Variants in CDS2 observed in about 807,000 individuals in gnomAD.
CDS2 encodes the protein CDP-diacylglycerol synthase 2, also known as phosphatidate cytidylyltransferase 2.
Under a neutral mutation model 59.0 loss-of-function variants are expected in CDS2, and 47 were observed. That is an observed-to-expected ratio of 0.80 (90% CI 0.63 to 1.02). The LOEUF (loss-of-function observed/expected upper bound fraction) is 1.02. Ranked by LOEUF, CDS2 falls within the 50% of genes least tolerant of loss-of-function variation. The pLI is 0.00. For missense variants in CDS2, 356 were observed against 558.9 expected, an observed-to-expected ratio of 0.64 and a Z score of 3.66; for synonymous variants, 207 against 206.4, an observed-to-expected ratio of 1.00 and a Z score of -0.02.
chr20:5,183,189 C>G, intron 7 of CDS2, 46 bp downstream of exon 7: 3 of 1,516,608 alleles, frequency 2.0e-6, no homozygotes, highest in South Asian at 2.3e-5. Flanking sequence ...GTGAGTGTTT[C>G]TCGTGTACAG....
intron 8 of CDS2, among the ~76,000 whole-genome samples, chr20:5,185,229 TG>T (rs2091058952): frequency 6.6e-6 from 1 of 152,134 alleles, no homozygotes; most frequent in African/African-American, 2.4e-5. Flanking sequence ...AAAAGCAGCC[TG>T]GGGAACTTAG....
intron 7 of CDS2, 154 bp downstream of exon 7, chr20:5,183,297 T>C: frequency 1.6e-6 from 1 of 627,136 alleles, no homozygotes; most frequent in South Asian, 2.0e-5. Flanking sequence ...CCCCTGACTT[T>C]TTGATTCATT....
At chr20:5,174,426 G>A (rs773923806) in intron 2 of CDS2, among the ~76,000 whole-genome samples, 3 of 152,178 alleles carry the variant, frequency 2.0e-5, no homozygotes, top group South Asian at 2.1e-4. Flanking sequence ...GTTAATATAT[G>A]TAAAGTCCTC....
chr20:5,177,990 A>C (rs1475463315), intron 4 of CDS2, among the ~76,000 whole-genome samples: 3 of 152,222 alleles, frequency 2.0e-5, no homozygotes, highest in Non-Finnish European at 4.4e-5. Flanking sequence ...TTTGTACTTC[A>C]TAATTTAAAA....
At chr20:5,160,152 A>T (rs182529632) in intron 1 of CDS2, among the ~76,000 whole-genome samples, 2 of 152,232 alleles carry the variant, frequency 1.3e-5, no homozygotes, top group Non-Finnish European at 2.9e-5. Context: ...ATTAAAAGGC[A>T]GAGTAGTAAC....
At position 5,197,248 on chromosome 20, in the gene CDS2, TTG is replaced by T. The variant is rs1323169645; in HGVS notation, c.*7015_*7016del. 5 of 128,230 alleles carry T rather than the reference TTG, an allele frequency of 3.9e-5. No homozygotes were observed. Among genetic ancestry groups the T allele is most frequent in the East Asian group, 2.1e-4 (1 of 4,832 alleles). 7.9% of individuals were successfully genotyped at this position (128,230 alleles called of 1,614,324 possible). On this transcript the variant is annotated 3_prime_UTR_variant, in exon 13 of 13. Transcript: ENST00000460006. ...AACCTTGGTGGTTTTTTTTTTTTTT[TTG>T]GTTTTTTTTTTTTGATCGAGCTGTG...
intron 1 of CDS2, among the ~76,000 whole-genome samples, chr20:5,140,660 G>C (rs2090685991): frequency 6.6e-6 from 1 of 152,188 alleles, no homozygotes. Flanking sequence ...ATTAGGGAAA[G>C]TTTCTCTTCA....
In CDS2 at chr20:5,192,278, G is replaced by A. The variant is rs1250361835; in HGVS notation, c.*2044G>A. On this transcript the variant is annotated 3_prime_UTR_variant, in exon 13 of 13. Coordinates refer to ENST00000460006, the MANE Select transcript of CDS2 (RefSeq NM_003818.4). ...CCTGCTCTTGAATAGGGCTGCCTTT[G>A]GGATCAGGGAGCCGAGCATACTGGG... The A allele has an allele frequency of 1.3e-5, 2 of 152,138 alleles. No individual in the cohort carries two copies. Among genetic ancestry groups the A allele is most frequent in the Admixed American group, 1.3e-4 (2 of 15,246 alleles). The allele number at this position is 152,138 out of a possible 1,614,324, so 9.4% of individuals were successfully genotyped here.
chr20:5,157,782 A>G (rs145620537), intron 1 of CDS2, among the ~76,000 whole-genome samples: 2 of 152,158 alleles, frequency 1.3e-5, no homozygotes, highest in African/African-American at 4.8e-5. Flanking sequence ...ATCACCTTCC[A>G]GTAGCTCCAT....
At chr20:5,164,968 T>C (rs543210804) in intron 1 of CDS2, among the ~76,000 whole-genome samples, 7 of 152,346 alleles carry the variant, frequency 4.6e-5, no homozygotes, top group African/African-American at 1.7e-4. Flanking sequence ...AGTAAACAGA[T>C]GCATCTACTC....
chr20:5,128,322 G>A (rs548442154), intron 1 of CDS2: 2 of 152,192 alleles, frequency 1.3e-5, no homozygotes. Flanking sequence ...CACCCAGAAG[G>A]AAGAAAGCAC....
intron 4 of CDS2, among the ~76,000 whole-genome samples, chr20:5,177,353 G>A (rs753037104): frequency 6.6e-6 from 1 of 152,056 alleles, no homozygotes; most frequent in Non-Finnish European, 1.5e-5. Context: ...TGGTGTTTGA[G>A]CCCTACTTCA....
At chr20:5,179,411 C>G (rs1287699840) in intron 5 of CDS2, among the ~76,000 whole-genome samples, 1 of 152,226 alleles carries the variant, frequency 6.6e-6, no homozygotes, top group Admixed American at 6.5e-5. Flanking sequence ...TGTGAGCCAC[C>G]ACGCCCGGCC....
Position 5,188,977 on chromosome 20 carries a change from T to G in CDS2, c.982-90T>G, listed in dbSNP as rs1301814131. ...GCATCACCTCCCAGTGAGGCCACAA[T>G]GAGGATCAAATTTCAACATGAGTTG... is the stretch of plus-strand genomic sequence containing the variant. On this transcript the variant is annotated intron_variant, in intron 10 of 12. Coordinates refer to ENST00000460006, the MANE Select transcript of CDS2 (RefSeq NM_003818.4). 2.6e-6 allele frequency: 4 copies of G among 1,545,586 alleles called. No homozygotes were observed. The Admixed American group carries it at 5.1e-5, about 20-fold the overall frequency.
chr20:5,181,115 T>C (rs1022245971), intron 5 of CDS2, among the ~76,000 whole-genome samples: 1 of 152,202 alleles, frequency 6.6e-6, no homozygotes, highest in Non-Finnish European at 1.5e-5. Context: ...AGGCTTTCCA[T>C]GAACTGGGTA....
At chr20:5,172,494 A>C (rs1338680969) in intron 1 of CDS2, among the ~76,000 whole-genome samples, 1 of 152,236 alleles carries the variant, frequency 6.6e-6, no homozygotes, top group Non-Finnish European at 1.5e-5. Flanking sequence ...GCCAGTGAAC[A>C]TGTGAGACAG....
In CDS2 at chr20:5,127,042, T is replaced by C. The variant is rs895479378; in HGVS notation, c.-51T>C. On this transcript the variant is annotated 5_prime_UTR_variant, in exon 1 of 13. Coordinates refer to ENST00000460006, the MANE Select transcript of CDS2 (RefSeq NM_003818.4). ...CGCGTGCCCGCGCCGAGCTGCCTGC[T>C]CCGGCGGCTTCGCTGCTAGCTCGCG... 1.1e-5 allele frequency: 16 copies of C among 1,473,804 alleles called. No individual in the cohort carries two copies. The highest frequency in any genetic ancestry group is 1.4e-5 in the Non-Finnish European group (15 of 1,108,954). The allele number at this position is 1,473,804 out of a possible 1,614,324, so 91.3% of individuals were successfully genotyped here.
At chr20:5,147,650 C>T (rs2090754511) in intron 1 of CDS2, among the ~76,000 whole-genome samples, 2 of 152,122 alleles carry the variant, frequency 1.3e-5, no homozygotes, top group Admixed American at 1.3e-4. Context: ...GTGATCTACC[C>T]TCCATAACCT....
chr20:5,151,407 T>G (rs1373810970), intron 1 of CDS2, among the ~76,000 whole-genome samples: 1 of 152,194 alleles, frequency 6.6e-6, no homozygotes, highest in Non-Finnish European at 1.5e-5. Flanking sequence ...TTTACTAAGA[T>G]GTACTAAATT....
Sources: gnomAD v4.1 joint callset for allele counts (sites outside exome capture counted in the v4.1 genomes callset) on GRCh38, gnomAD v4.1.1 for gene constraint, MANE v1.5 for transcripts, NCBI Gene and HGNC (gene_info 2026-07-23, HGNC 2026-07-21) for gene names.